MSI2: variants seen among roughly 807,000 people sequenced by gnomAD.
MSI2 encodes the protein musashi RNA binding protein 2, also known as RNA-binding protein Musashi homolog 2.
MSI2 carries 17 observed loss-of-function variants against 45.6 expected under a neutral mutation model. The ratio of observed to expected loss-of-function variants is 0.37; its 90% confidence interval spans 0.26 to 0.56. The LOEUF is 0.56. MSI2 is among the 20% of genes least tolerant of loss of function. The pLI, the probability that MSI2 is intolerant of heterozygous loss-of-function variation, is 0.77. For missense variants in MSI2, 293 were observed against 444.2 expected (o/e 0.66, Z 3.06); for synonymous variants, 156 against 158.2 (o/e 0.99, Z 0.11).
chr17:57,370,961 G>A (rs1348882087), intron 5 of MSI2, among the ~76,000 whole-genome samples: 2 of 152,114 alleles, frequency 1.3e-5, no homozygotes, highest in Non-Finnish European at 2.9e-5. Flanking sequence ...TTCCTTACAA[G>A]ACAATCTGAT....
At chr17:57,358,760 A>G (rs1228117239) in intron 5 of MSI2, among the ~76,000 whole-genome samples, 1 of 152,186 alleles carries the variant, frequency 6.6e-6, no homozygotes, top group Non-Finnish European at 1.5e-5. Flanking sequence ...TTGCACTTCT[A>G]ACAGTTTTAT....
At chr17:57,419,394 ACT>A (rs1266013181) in intron 6 of MSI2, among the ~76,000 whole-genome samples, 5 of 149,274 alleles carry the variant, frequency 3.3e-5, no homozygotes. Context: ...ATGGAGTCTC[ACT>A]CTGTCACCCA....
intron 6 of MSI2, among the ~76,000 whole-genome samples, chr17:57,456,076 G>A (rs2085108610): frequency 6.6e-6 from 1 of 152,216 alleles, no homozygotes; most frequent in Non-Finnish European, 1.5e-5. Context: ...ATGCTACCAA[G>A]GTGAGGGACC....
intron 10 of MSI2, chr17:57,630,171 T>C (rs1015224461): frequency 8.8e-6 from 1 of 113,238 alleles, no homozygotes; most frequent in African/African-American, 3.0e-5. Flanking sequence ...GCCAAGACTT[T>C]GGGAACTGGG....
intron 8 of MSI2, among the ~76,000 whole-genome samples, chr17:57,611,161 G>C (rs2144541440): frequency 1.0e-5 from 1 of 96,242 alleles, no homozygotes; most frequent in Middle Eastern, 4.9e-3. Context: ...ACTGTGAGAA[G>C]CCGTTGGTGC....
intron 4 of MSI2, among the ~76,000 whole-genome samples, chr17:57,261,153 T>C (rs9893359): frequency 0.19 from 29,138 of 152,186 alleles, 3,073 homozygotes; most frequent in East Asian, 0.36. Context: ...CAGTCACTTT[T>C]TTCCTCCCTC....
At chr17:57,347,994 G>GTTGTGTGC (rs1197130102) in intron 5 of MSI2, among the ~76,000 whole-genome samples, 1 of 152,244 alleles carries the variant, frequency 6.6e-6, no homozygotes, top group Non-Finnish European at 1.5e-5. Flanking sequence ...CATTTGCACA[G>GTTGTGTGC]TTGTGTGCAC....
chr17:57,360,240 T>G (rs1443671709), intron 5 of MSI2, among the ~76,000 whole-genome samples: 1 of 152,266 alleles, frequency 6.6e-6, no homozygotes, highest in Non-Finnish European at 1.5e-5. Flanking sequence ...CACATGCTCG[T>G]GCTTGTGTGT....
intron 5 of MSI2, among the ~76,000 whole-genome samples, chr17:57,354,030 G>A (rs1916237431): frequency 6.6e-6 from 1 of 152,044 alleles, no homozygotes; most frequent in African/African-American, 2.4e-5. Context: ...GACAATTATT[G>A]AGTACAGTTT....
At chr17:57,434,781 A>ATT (rs60454598) in intron 6 of MSI2, among the ~76,000 whole-genome samples, 21 of 150,574 alleles carry the variant, frequency 1.4e-4, no homozygotes, top group African/African-American at 4.9e-4. Context: ...TATACACCAC[A>ATT]TTTTTTTTTT....
At chr17:57,457,556 A>G (rs968603167) in intron 6 of MSI2, among the ~76,000 whole-genome samples, 6 of 152,128 alleles carry the variant, frequency 3.9e-5, no homozygotes, top group African/African-American at 1.4e-4. Flanking sequence ...AGAAGACCCT[A>G]TGTCTTGAAA....
chr17:57,420,136 TGAAAAG>T (rs1218352222), intron 6 of MSI2, among the ~76,000 whole-genome samples: 5 of 152,198 alleles, frequency 3.3e-5, no homozygotes, highest in Non-Finnish European at 7.4e-5. Flanking sequence ...TGCCCTCTGC[TGAAAAG>T]GAGTCAGGTT....
intron 5 of MSI2, among the ~76,000 whole-genome samples, chr17:57,353,318 G>A (rs1350060330): frequency 6.6e-6 from 1 of 152,168 alleles, no homozygotes; most frequent in Admixed American, 6.5e-5. Context: ...CTGTGGGTAG[G>A]TGTAAAGCAG....
intron 7 of MSI2, among the ~76,000 whole-genome samples, chr17:57,580,117 C>T (rs941172835): frequency 5.3e-5 from 8 of 151,962 alleles, no homozygotes; most frequent in Admixed American, 4.6e-4. Flanking sequence ...TCTCTGTTCC[C>T]ACTTGGGCCT....
intron 6 of MSI2, among the ~76,000 whole-genome samples, chr17:57,417,800 T>C (rs940511569): frequency 6.6e-6 from 1 of 152,212 alleles, no homozygotes; most frequent in Non-Finnish European, 1.5e-5. Flanking sequence ...CTGAAGTCAG[T>C]GGTTTTCTGC....
intron 7 of MSI2, among the ~76,000 whole-genome samples, chr17:57,580,082 T>A (rs1045470660): frequency 4.7e-5 from 7 of 149,018 alleles, no homozygotes; most frequent in African/African-American, 1.5e-4. Context: ...AAAAAAAAAA[T>A]AGAACCAGGT....
chr17:57,295,992 CTTTTTTTTTTTTTTT>C (rs386386327), intron 5 of MSI2, among the ~76,000 whole-genome samples: 594 of 38,688 alleles, frequency 0.015, 14 homozygotes, highest in African/African-American at 0.035. Context: ...CGCAGCCTTC[CTTTTTTTTTTTTTTT>C]TTTTTTTTTT....
At chr17:57,447,294 A>C (rs550068549) in intron 6 of MSI2, among the ~76,000 whole-genome samples, 1 of 152,094 alleles carries the variant, frequency 6.6e-6, no homozygotes, top group East Asian at 1.9e-4. Context: ...TGTAGGTATG[A>C]TACCTCCCTA....
chr17:57,370,799 T>C (rs1281094153), intron 5 of MSI2, among the ~76,000 whole-genome samples: 1 of 152,204 alleles, frequency 6.6e-6, no homozygotes. Context: ...AGCTTTGCAC[T>C]GAGGGTCAGG....
Sources: gnomAD v4.1 joint callset for allele counts (sites outside exome capture counted in the v4.1 genomes callset) on GRCh38, gnomAD v4.1.1 for gene constraint, MANE v1.5 for transcripts, NCBI Gene and HGNC (gene_info 2026-07-23, HGNC 2026-07-21) for gene names.